The following UBXN7 variants were observed in gnomAD, a reference collection of about 807,000 sequenced individuals.
The protein encoded by UBXN7 is UBX domain-containing protein 7.
A neutral mutation model predicts 58.0 loss-of-function variants in UBXN7; 9 were observed. That is an observed-to-expected ratio of 0.16 (90% confidence interval 0.09 to 0.27). The LOEUF (loss-of-function observed/expected upper bound fraction) is 0.27, where lower values mean the gene tolerates loss of function less well. Ranked by LOEUF, UBXN7 falls within the 10% of genes least tolerant of loss-of-function variation. The probability of loss-of-function intolerance (pLI) is 1.00; values close to 1 mark genes in which losing one functional copy is unlikely to be tolerated. For synonymous variants in UBXN7, 208 were observed against 205.0 expected (o/e 1.01, Z -0.12); for missense variants, 328 against 599.6 (o/e 0.55, Z 4.73).
At chr3:196,401,746 T>C (rs1336429419) in intron 3 of UBXN7, among the ~76,000 whole-genome samples, 2 of 93,000 alleles carry the variant, frequency 2.2e-5, no homozygotes, top group Non-Finnish European at 4.1e-5. Context: ...CTGGGCAACA[T>C]AGCAAGACTC....
chr3:196,401,545 C>T (rs561772084), intron 3 of UBXN7, among the ~76,000 whole-genome samples: 2 of 149,838 alleles, frequency 1.3e-5, no homozygotes, highest in East Asian at 3.9e-4. Context: ...AAATACCGGA[C>T]GTTCTCATAA....
intron 5 of UBXN7, among the ~76,000 whole-genome samples, chr3:196,387,633 T>G (rs1336197408): frequency 1.3e-5 from 2 of 152,186 alleles, no homozygotes; most frequent in East Asian, 3.8e-4. Context: ...GCAAAGGATA[T>G]GAACAGACAC....
At chr3:196,419,777 G>C (rs958757809) in intron 1 of UBXN7, among the ~76,000 whole-genome samples, 1 of 152,166 alleles carries the variant, frequency 6.6e-6, no homozygotes, top group South Asian at 2.1e-4. Context: ...AAGACTACTC[G>C]AACCTTCATT....
At chr3:196,400,051 C>T (rs1729909843) in intron 3 of UBXN7, 1 of 152,098 alleles carries the variant, frequency 6.6e-6, no homozygotes, top group Non-Finnish European at 1.5e-5. Flanking sequence ...ATATAATTAC[C>T]TCCCGGAAGT....
At chr3:196,379,910 G>T (rs1217956180) in intron 5 of UBXN7, among the ~76,000 whole-genome samples, 1 of 152,116 alleles carries the variant, frequency 6.6e-6, no homozygotes, top group Non-Finnish European at 1.5e-5. Flanking sequence ...GAGGGTTCTT[G>T]GATCTAGTGC....
chr3:196,431,949 C>T, intron 1 of UBXN7: 1 of 419,544 alleles, frequency 2.4e-6, no homozygotes, highest in Non-Finnish European at 4.6e-6. Context: ...CAGGGCTGCA[C>T]AGAGAAGGGA....
intron 5 of UBXN7, among the ~76,000 whole-genome samples, chr3:196,380,096 A>G (rs1729154060): frequency 1.2e-4 from 19 of 152,096 alleles, no homozygotes; most frequent in Admixed American, 1.2e-3. Context: ...AAAAAATACA[A>G]AAAATCAGCT....
In UBXN7 at chr3:196,354,882, T is replaced by C. The variant is rs970115318; in HGVS notation, c.*1803A>G. 6.6e-6 allele frequency: 1 copy of C among 151,588 alleles called. No homozygotes were observed. The highest frequency in any genetic ancestry group is 1.5e-5 in the Non-Finnish European group (1 of 67,888). 9.4% of individuals were successfully genotyped at this position (151,588 alleles called of 1,614,324 possible). A position where few individuals can be genotyped will look rare whatever the true frequency, so the allele number is the denominator to read the frequency against. On this transcript the variant is annotated 3_prime_UTR_variant, in exon 11 of 11. Coordinates refer to ENST00000296328, the MANE Select transcript of UBXN7 (RefSeq NM_015562.2). ...AAATATTTATACAATTATATACTTA[T>C]ACATAAGCACTTACACAGACTTAGA... is the stretch of plus-strand genomic sequence containing the variant.
rs1177866316 is a variant in UBXN7, at chr3:196,354,799, A to G, written c.*1886T>C. 6.6e-6 allele frequency: 1 copy of G among 152,138 alleles called. No individual in the cohort carries two copies. Among genetic ancestry groups the G allele is most frequent in the Admixed American group, 6.5e-5 (1 of 15,272 alleles). 9.4% of individuals were successfully genotyped at this position (152,138 alleles called of 1,614,324 possible). A position where few individuals can be genotyped will look rare whatever the true frequency, so the allele number is the denominator to read the frequency against. On this transcript the variant is annotated 3_prime_UTR_variant, in exon 11 of 11. Transcript: ENST00000296328. ...GTAAGTATTACTCAGTCACCAATCT[A>G]AAGACAGAACTTTGACTCAAGGTAG...
intron 5 of UBXN7, among the ~76,000 whole-genome samples, chr3:196,378,857 G>A (rs567636769): frequency 1.5e-4 from 22 of 145,358 alleles, no homozygotes; most frequent in Non-Finnish European, 3.2e-4. Flanking sequence ...TGGTTTTGGG[G>A]GATTTTAGCC....
intron 2 of UBXN7, among the ~76,000 whole-genome samples, chr3:196,403,748 G>A (rs1230773209): frequency 2.0e-5 from 3 of 152,120 alleles, no homozygotes; most frequent in Non-Finnish European, 2.9e-5. Context: ...TGAATTTCAT[G>A]CTAATTATGA....
intron 2 of UBXN7, among the ~76,000 whole-genome samples, chr3:196,406,792 T>C (rs115708530): frequency 4.5e-4 from 69 of 152,326 alleles, no homozygotes; most frequent in African/African-American, 1.5e-3. Flanking sequence ...TGTGACAATG[T>C]AGAAAAACCT....
intron 8 of UBXN7, among the ~76,000 whole-genome samples, chr3:196,363,241 TACATACATAA>T (rs1414468031): frequency 9.2e-5 from 11 of 118,968 alleles, no homozygotes; most frequent in South Asian, 5.0e-4. Flanking sequence ...CATACATACA[TACATACATAA>T]ATATATATAT....
intron 6 of UBXN7, 131 bp from the exon 7 acceptor site, chr3:196,369,642 A>T: frequency 1.6e-6 from 1 of 620,598 alleles, no homozygotes; most frequent in Non-Finnish European, 2.8e-6. Context: ...TCACTCCTAC[A>T]CTAAAAAGAA....
In UBXN7 at chr3:196,353,005, T is replaced by G. The variant is rs1322327605; in HGVS notation, c.*3680A>C. ...TCACATCTTCACCAGTGCATCATTT[T>G]AAAAAAGCAATAATCAGCCTCTCAA... is the stretch of plus-strand genomic sequence containing the variant. On this transcript the variant is annotated 3_prime_UTR_variant, in exon 11 of 11. Transcript: ENST00000296328. 1 of 152,228 alleles carries G rather than the reference T, an allele frequency of 6.6e-6. No individual in the cohort carries two copies. Among genetic ancestry groups the G allele is most frequent in the Non-Finnish European group, 1.5e-5 (1 of 68,034 alleles). 9.4% of individuals were successfully genotyped at this position (152,228 alleles called of 1,614,324 possible).
intron 5 of UBXN7, among the ~76,000 whole-genome samples, chr3:196,385,937 G>C (rs192264183): frequency 6.6e-5 from 10 of 152,322 alleles, no homozygotes; most frequent in East Asian, 1.9e-4. Context: ...CGAATAGAAG[G>C]GGGGGAAATG....
rs550722487 is a variant in UBXN7 at position 196,352,686 on chromosome 3, G to C, written c.*3999C>G. On this transcript the variant is annotated 3_prime_UTR_variant, in exon 11 of 11. Coordinates refer to ENST00000296328, the MANE Select transcript of UBXN7 (RefSeq NM_015562.2). This position sits in a 1 kb window ranked among gnomAD's most constrained non-coding sequence, Gnocchi z 4.1. ...ACAGAGGGTTCAATAATCTGGTATG[G>C]ATGGGACACAGAAAACAGAATTGTA... 6.6e-6 allele frequency: 1 copy of C among 152,144 alleles called. No homozygotes were observed. The highest frequency in any genetic ancestry group is 1.9e-4 in the East Asian group (1 of 5,170). 9.4% of individuals were successfully genotyped at this position (152,144 alleles called of 1,614,324 possible). A position where few individuals can be genotyped will look rare whatever the true frequency, so the allele number is the denominator to read the frequency against.
At chr3:196,388,434 AC>A (rs1316509590) in intron 5 of UBXN7, among the ~76,000 whole-genome samples, 1 of 151,878 alleles carries the variant, frequency 6.6e-6, no homozygotes, top group Non-Finnish European at 1.5e-5. Flanking sequence ...GTACCCTAGA[AC>A]TTAAAGTATA....
rs1047269257 is a variant in UBXN7 at position 196,350,584 on chromosome 3, A to G, written c.*6101T>C. On this transcript the variant is annotated 3_prime_UTR_variant, in exon 11 of 11. Transcript: ENST00000296328. ...GGAAAGCAGGATTAAAAGATTTCTA[A>G]TTAAGGGTCTGTCACTTCACAGGAC... 1 of 151,976 alleles carries G rather than the reference A, an allele frequency of 6.6e-6. No homozygotes were observed. 9.4% of individuals were successfully genotyped at this position (151,976 alleles called of 1,614,324 possible).
Sources: gnomAD v4.1 joint callset for allele counts (sites outside exome capture counted in the v4.1 genomes callset) on GRCh38, gnomAD v4.1.1 for gene constraint, Gnocchi (gnomAD v3.1) non-coding constraint, MANE v1.5 for transcripts, NCBI Gene and HGNC (gene_info 2026-07-23, HGNC 2026-07-21) for gene names.